The following PIK3C2A variants were observed in gnomAD, a reference collection of about 807,000 sequenced individuals.
PIK3C2A encodes the protein phosphatidylinositol-4-phosphate 3-kinase catalytic subunit type 2 alpha, also known as phosphatidylinositol 4-phosphate 3-kinase C2 domain-containing subunit alpha.
A neutral mutation model predicts 204.5 loss-of-function variants in PIK3C2A; 97 were observed. The observed-to-expected ratio is 0.47, with a 90% CI of 0.40 to 0.56. PIK3C2A has a LOEUF of 0.56. Among genes scored for constraint, PIK3C2A ranks in the 20% least tolerant of loss-of-function variants. The probability of loss-of-function intolerance (pLI) is 0.00; values close to 1 mark genes in which losing one functional copy is unlikely to be tolerated. For synonymous variants in PIK3C2A, 653 were observed against 664.4 expected (o/e 0.98, Z 0.26); for missense variants, 1,735 against 1,969.2 (o/e 0.88, Z 2.25).
At chr11:17,163,151 C>G (rs1026335850) in intron 2 of PIK3C2A, among the ~76,000 whole-genome samples, 6 of 151,916 alleles carry the variant, frequency 3.9e-5, no homozygotes, top group South Asian at 4.1e-4. Flanking sequence ...ACTAAAAATA[C>G]AAAAATTAGC....
chr11:17,173,039 G>A (rs576170703), intron 1 of PIK3C2A, among the ~76,000 whole-genome samples: 1 of 152,236 alleles, frequency 6.6e-6, no homozygotes, highest in African/African-American at 2.4e-5. Context: ...TTGTCCTTCA[G>A]GGCCCAATTC....
intron 9 of PIK3C2A, among the ~76,000 whole-genome samples, chr11:17,135,709 GTGTGTGTGTA>G (rs1357080192): frequency 1.4e-5 from 2 of 144,478 alleles, no homozygotes; most frequent in Non-Finnish European, 3.1e-5. Flanking sequence ...GTGTGTGTGT[GTGTGTGTGTA>G]TAAGTTTCTA....
chr11:17,101,158 G>A (rs968711537), intron 25 of PIK3C2A, 120 bp downstream of exon 25: 5 of 560,242 alleles, frequency 8.9e-6, no homozygotes, highest in African/African-American at 1.9e-5. Context: ...GAGCAATAAT[G>A]TATCTGACAT....
chr11:17,155,521 CT>C lies in PIK3C2A; in HGVS notation c.1169+4del. On this transcript the variant is annotated splice_donor_region_variant and intron_variant, in intron 3 of 32. Transcript: ENST00000691414. ...AATGAACATTTATAAAGAAAAATTC[CT>C]TACTTTGTAATGGATCGACAAAAAG... 6.6e-7 allele frequency: 1 copy of C among 1,506,306 alleles called. No individual in the cohort carries two copies. The highest frequency in any genetic ancestry group is 1.2e-5 in the South Asian group (1 of 81,970). 93.3% of individuals were successfully genotyped at this position (1,506,306 alleles called of 1,614,324 possible).
At chr11:17,163,299 C>T (rs1055279040) in intron 2 of PIK3C2A, among the ~76,000 whole-genome samples, 15 of 152,144 alleles carry the variant, frequency 9.9e-5, no homozygotes, top group African/African-American at 3.6e-4. Flanking sequence ...CAGAGCGAGA[C>T]CCTGTTTCAA....
intron 1 of PIK3C2A, among the ~76,000 whole-genome samples, chr11:17,203,441 G>C (rs1166237436): frequency 6.6e-6 from 1 of 152,034 alleles, no homozygotes; most frequent in Non-Finnish European, 1.5e-5. Flanking sequence ...CTCCACTACA[G>C]ATGCAGAGAA....
chr11:17,094,867 A>T (rs1428683237), intron 27 of PIK3C2A, among the ~76,000 whole-genome samples: 1 of 152,242 alleles, frequency 6.6e-6, no homozygotes, highest in African/African-American at 2.4e-5. Context: ...CACCAATAGG[A>T]AAAAGCAAAT....
At chr11:17,125,577 A>C (rs761702749) in intron 13 of PIK3C2A, among the ~76,000 whole-genome samples, 9 of 151,830 alleles carry the variant, frequency 5.9e-5, no homozygotes, top group Non-Finnish European at 1.0e-4. Flanking sequence ...GTAGTGGTGC[A>C]ATTTCGCCTC....
intron 1 of PIK3C2A, among the ~76,000 whole-genome samples, chr11:17,205,034 G>C (rs1056448785): frequency 3.3e-5 from 5 of 151,442 alleles, no homozygotes; most frequent in African/African-American, 1.2e-4. Flanking sequence ...AAACTTAGGT[G>C]GGTGTGGTGG....
chr11:17,184,061 A>G (rs1437174789), intron 1 of PIK3C2A, among the ~76,000 whole-genome samples: 1 of 152,102 alleles, frequency 6.6e-6, no homozygotes, highest in Non-Finnish European at 1.5e-5. Context: ...TTGAAGTTAC[A>G]GTGAGTTATA....
At chr11:17,114,566 C>CA in intron 19 of PIK3C2A, 101 bp from the exon 20 acceptor site, 2 of 599,250 alleles carry the variant, frequency 3.3e-6, no homozygotes, top group Admixed American at 5.2e-5. Flanking sequence ...GCCCAGTTGT[C>CA]AAACGGTGAA....
At chr11:17,114,088 T>TAAATAAATAAAC (rs1400473184) in intron 20 of PIK3C2A, among the ~76,000 whole-genome samples, 2 of 149,328 alleles carry the variant, frequency 1.3e-5, no homozygotes, top group East Asian at 3.9e-4. Context: ...AAAAAATAAA[T>TAAATAAATAAAC]AAATAAATAA....
intron 24 of PIK3C2A, among the ~76,000 whole-genome samples, chr11:17,101,651 T>G (rs1848626408): frequency 6.6e-6 from 1 of 151,094 alleles, no homozygotes; most frequent in Non-Finnish European, 1.5e-5. Context: ...TCGCCCAGGC[T>G]GGAGTGCAGT....
At chr11:17,179,006 G>C (rs1388257216) in intron 1 of PIK3C2A, among the ~76,000 whole-genome samples, 2 of 151,816 alleles carry the variant, frequency 1.3e-5, no homozygotes, top group Non-Finnish European at 2.9e-5. Context: ...TGGGATTACA[G>C]GCGTGAGCCA....
At chr11:17,174,904 A>AT (rs1296533510) in intron 1 of PIK3C2A, among the ~76,000 whole-genome samples, 8 of 151,866 alleles carry the variant, frequency 5.3e-5, no homozygotes, top group Admixed American at 1.3e-4. Flanking sequence ...CTGTCTCAAA[A>AT]AAAAATAAAA....
intron 2 of PIK3C2A, among the ~76,000 whole-genome samples, chr11:17,162,219 C>T (rs1318959152): frequency 6.6e-6 from 1 of 151,756 alleles, no homozygotes; most frequent in Middle Eastern, 3.2e-3. Flanking sequence ...TGCCTGTAAT[C>T]CCAGCTACTC....
intron 1 of PIK3C2A, among the ~76,000 whole-genome samples, chr11:17,204,782 T>C (rs1852508372): frequency 6.6e-6 from 1 of 152,164 alleles, no homozygotes; most frequent in African/African-American, 2.4e-5. Flanking sequence ...CCTATGCAGG[T>C]ACAACTACTA....
At chr11:17,090,895 A>G (rs1336711240) in intron 32 of PIK3C2A, among the ~76,000 whole-genome samples, 1 of 151,046 alleles carries the variant, frequency 6.6e-6, no homozygotes. Context: ...GCGTGCCACC[A>G]TGCCTAGCTA....
chr11:17,155,625 T>G lies in PIK3C2A; in HGVS notation c.1070A>C (p.Asp357Ala), dbSNP rs1320481942. 1 of 1,583,210 alleles carries G rather than the reference T, an allele frequency of 6.3e-7. No individual in the cohort carries two copies. The highest frequency in any genetic ancestry group is 8.7e-7 in the Non-Finnish European group (1 of 1,154,506). Residue 357 changes from aspartate (D) to alanine (A), a missense_variant, in exon 3 of 33, where the codon GAC (aspartate) becomes GCC (alanine). Transcript: ENST00000691414. ...AKAQGHISQK[D>A]PNGTSSLPTG... ...TGGCAAACTACTGGTCCCATTTGGG[T>G]CTTTCTGTAATTAAAAAAGTGTTTT...
Sources: gnomAD v4.1 joint callset for allele counts (sites outside exome capture counted in the v4.1 genomes callset) on GRCh38, gnomAD v4.1.1 for gene constraint, MANE v1.5 for transcripts, NCBI Gene and HGNC (gene_info 2026-07-23, HGNC 2026-07-21) for gene names.